Variants in FBXL17 observed in about 807,000 individuals in gnomAD.
FBXL17 encodes F-box and leucine rich repeat protein 17, also known as F-box/LRR-repeat protein 17.
A neutral mutation model predicts 66.2 loss-of-function variants in FBXL17; 22 were observed. The ratio of observed to expected loss-of-function variants is 0.33; its 90% confidence interval spans 0.24 to 0.47. The LOEUF (loss-of-function observed/expected upper bound fraction) is 0.47, where lower values mean the gene tolerates loss of function less well. FBXL17 is among the 20% of genes least tolerant of loss of function. The pLI is 1.00. For synonymous variants in FBXL17, 474 were observed against 400.5 expected (o/e 1.18, Z -2.19); for missense variants, 878 against 948.2 (o/e 0.93, Z 0.97).
chr5:108,108,212 T>G (rs1749885618), intron 6 of FBXL17, among the ~76,000 whole-genome samples: 1 of 152,244 alleles, frequency 6.6e-6, no homozygotes, highest in African/African-American at 2.4e-5. Context: ...TTTAATCTCT[T>G]ATACTTTTCT....
chr5:108,174,770 G>C (rs1352907150), intron 6 of FBXL17, among the ~76,000 whole-genome samples: 1 of 102,522 alleles, frequency 9.8e-6, no homozygotes, highest in Non-Finnish European at 1.9e-5. Flanking sequence ...AAAAAAAAAA[G>C]CTGCAACTGT....
intron 1 of FBXL17, among the ~76,000 whole-genome samples, chr5:108,372,704 T>C (rs1042934814): frequency 1.3e-5 from 2 of 152,178 alleles, no homozygotes; most frequent in Non-Finnish European, 2.9e-5. Context: ...AAAATTAAGA[T>C]ATTTCCAGAT....
At chr5:108,258,242 T>A (rs1323200094) in intron 4 of FBXL17, among the ~76,000 whole-genome samples, 1 of 152,156 alleles carries the variant, frequency 6.6e-6, no homozygotes, top group African/African-American at 2.4e-5. Flanking sequence ...AAGAAAGCAG[T>A]CATCTGAAAG....
Position 108,209,482 on chromosome 5 carries a change from C to T in FBXL17, c.1614+14639G>A, listed in dbSNP as rs1346866664. Among the ~76,000 whole-genome samples, 4 of 152,006 alleles carry T rather than the reference C, an allele frequency of 2.6e-5. No individual in the cohort carries two copies. In the East Asian group the frequency reaches 5.8e-4, roughly 22 times the overall value. Reference sequence around the variant, plus strand: ...AACTCTTATTATTTTGAGATATGTTCCATCGATACCTAGTTTTTTGAAAGT... The same window carrying T: ...AACTCTTATTATTTTGAGATATGTTTCATCGATACCTAGTTTTTTGAAAGT... On this transcript the variant is annotated intron_variant, in intron 5 of 8. Transcript: ENST00000542267.
chr5:108,159,171 T>A (rs1326671317), intron 6 of FBXL17, among the ~76,000 whole-genome samples: 2 of 152,172 alleles, frequency 1.3e-5, no homozygotes, highest in African/African-American at 4.8e-5. Context: ...TACAACTCAA[T>A]ATCAAGATGT....
At chr5:108,157,091 G>C (rs1009939765) in intron 6 of FBXL17, among the ~76,000 whole-genome samples, 2 of 149,618 alleles carry the variant, frequency 1.3e-5, no homozygotes, top group Admixed American at 1.3e-4. Flanking sequence ...CTAGCTCTTA[G>C]ATATGCAAAT....
At chr5:108,087,004 G>A (rs967568150) in intron 6 of FBXL17, among the ~76,000 whole-genome samples, 8 of 152,190 alleles carry the variant, frequency 5.3e-5, no homozygotes, top group Non-Finnish European at 8.8e-5. Context: ...CAGAGAGGCC[G>A]GCCTGCAGCA....
chr5:108,097,930 T>G (rs1162240671), intron 6 of FBXL17, among the ~76,000 whole-genome samples: 1 of 152,176 alleles, frequency 6.6e-6, no homozygotes, highest in Admixed American at 6.5e-5. Flanking sequence ...AATAACATTT[T>G]ATATTGTCTA....
At chr5:108,277,499 C>T (rs944330419) in intron 4 of FBXL17, among the ~76,000 whole-genome samples, 8 of 151,902 alleles carry the variant, frequency 5.3e-5, no homozygotes, top group African/African-American at 1.7e-4. Context: ...AAATCTAATA[C>T]ACAAAAGAGA....
At chr5:108,328,381 G>T (rs1036778441) in intron 4 of FBXL17, among the ~76,000 whole-genome samples, 7 of 151,888 alleles carry the variant, frequency 4.6e-5, no homozygotes, top group Non-Finnish European at 1.0e-4. Context: ...GTAGAAAGAC[G>T]TGCCTCTTGG....
chr5:107,967,327 G>A (rs1561343615), intron 7 of FBXL17, among the ~76,000 whole-genome samples: 1 of 151,984 alleles, frequency 6.6e-6, no homozygotes, highest in Non-Finnish European at 1.5e-5. Flanking sequence ...TCGAAGATCA[G>A]AATCAAATCT....
At chr5:107,957,859 T>A (rs977936276) in intron 7 of FBXL17, among the ~76,000 whole-genome samples, 5 of 152,140 alleles carry the variant, frequency 3.3e-5, no homozygotes. Context: ...AAAATGAATC[T>A]CCATTTTCCA....
chr5:108,104,831 TTTTTG>T (rs1182288003), intron 6 of FBXL17, among the ~76,000 whole-genome samples: 3 of 152,002 alleles, frequency 2.0e-5, no homozygotes, highest in Non-Finnish European at 4.4e-5. Context: ...ACAATTATGT[TTTTTG>T]TTTTGTTTTG....
At chr5:108,325,961 A>C (rs1045649887) in intron 4 of FBXL17, among the ~76,000 whole-genome samples, 4 of 152,214 alleles carry the variant, frequency 2.6e-5, no homozygotes, top group Non-Finnish European at 5.9e-5. Flanking sequence ...CCATGTGCCC[A>C]ACACTCTTCT....
intron 7 of FBXL17, among the ~76,000 whole-genome samples, chr5:107,951,624 G>A (rs1489172142): frequency 6.6e-6 from 1 of 152,232 alleles, no homozygotes; most frequent in Non-Finnish European, 1.5e-5. Context: ...ATCAAGGGCA[G>A]TATATGAGAG....
At chr5:108,207,712 C>G (rs758139653) in intron 5 of FBXL17, among the ~76,000 whole-genome samples, 1 of 152,138 alleles carries the variant, frequency 6.6e-6, no homozygotes. Context: ...TTTCTTTATC[C>G]AGTATATTAT....
chr5:108,381,617 G>A lies in FBXL17; in HGVS notation c.75C>T (p.Arg25=), dbSNP rs752459479. ...GCAGCCTGAGGAGAGGGCGCCGGCG[G>A]CGGCACCAACTGCAACAGCGAGGCC... is the stretch of plus-strand genomic sequence containing the variant. ...QKRPRCCSWC[R]RRRPLLRLPR... Residue 25 remains arginine (R), a synonymous_variant, in exon 1 of 9, where the codon CGC becomes CGT. Transcript: ENST00000542267. 2 of 1,488,030 alleles carry A rather than the reference G, an allele frequency of 1.3e-6. No homozygotes were observed. The highest frequency in any genetic ancestry group is 1.3e-5 in the South Asian group (1 of 79,570). 92.2% of individuals were successfully genotyped at this position (1,488,030 alleles called of 1,614,324 possible). A position where few individuals can be genotyped will look rare whatever the true frequency, so the allele number is the denominator to read the frequency against.
rs146743000 is a variant in FBXL17, at chr5:108,031,784, T to G, written c.1746-10783A>C. Reference sequence around the variant, plus strand: ...CTGTATTTTACTGAATTTTAACACTTCAGGTAGAAAATCAATTGGTTATAG... The same window carrying G: ...CTGTATTTTACTGAATTTTAACACTGCAGGTAGAAAATCAATTGGTTATAG... On this transcript the variant is annotated intron_variant, in intron 6 of 8. Coordinates refer to ENST00000542267, the MANE Select transcript of FBXL17 (RefSeq NM_001163315.3). Among the ~76,000 whole-genome samples the G allele has an allele frequency of 1.1e-4, 17 of 152,248 alleles. No individual in the cohort carries two copies. The East Asian group carries it at 1.9e-3, about 17-fold the overall frequency.
intron 1 of FBXL17, among the ~76,000 whole-genome samples, chr5:108,376,735 A>C (rs1749449087): frequency 6.6e-6 from 1 of 151,806 alleles, no homozygotes. Context: ...ACGTGTCTTA[A>C]AATTTGTTGT....
Sources: allele counts gnomAD v4.1 joint callset (sites outside exome capture counted in the v4.1 genomes callset), GRCh38; gene constraint gnomAD v4.1.1; transcripts MANE v1.5; gene names NCBI Gene and HGNC (gene_info 2026-07-23, HGNC 2026-07-21).